TTN: variants seen among roughly 807,000 people sequenced by gnomAD.
TTN encodes the protein titin.
In TTN, 1,525 loss-of-function variants were observed where a neutral mutation model predicts 3,223.0. The ratio of observed to expected loss-of-function variants is 0.47; its 90% CI spans 0.45 to 0.49. The LOEUF (loss-of-function observed/expected upper bound fraction) is 0.49. Among genes scored for constraint, TTN ranks in the 20% least tolerant of loss-of-function variants. The pLI, the probability that TTN is intolerant of heterozygous loss-of-function variation, is 0.00. For missense variants in TTN, 40,786 were observed against 43,424.0 expected, an observed-to-expected ratio of 0.94 and a Z score of 5.40; for synonymous variants, 14,094 against 15,161.0, an observed-to-expected ratio of 0.93 and a Z score of 5.17.
At position 178,732,674 on chromosome 2, in the gene TTN, G is replaced by A. The variant is rs748705824; in HGVS notation, c.16387C>T (p.Pro5463Ser). 2 of 1,606,666 alleles carry A rather than the reference G, an allele frequency of 1.2e-6. No homozygotes were observed. The highest frequency in any genetic ancestry group is 1.1e-5 in the South Asian group (1 of 89,892). Residue 5463 changes from proline (P) to serine (S), a missense_variant, in exon 56 of 363, where the codon CCT becomes TCT. Pro to Ser is a moderately conservative substitution (Grantham distance 74). Transcript: ENST00000589042. ...CTCTTCAGGCAGACTGCTGAGCCAG[G>A]CAGAACATCCTTTGAGCCGGGTTTA... ...VTKPGSKDVL[P>S]GSAVCLKSTF...
chr2:178,685,766 A>G (rs1208070740), intron 127 of TTN, among the ~76,000 whole-genome samples, 168 bp from the exon 128 acceptor site: 1 of 152,204 alleles, frequency 6.6e-6, no homozygotes, highest in Non-Finnish European at 1.5e-5. Flanking sequence ...ATCAAAGCAC[A>G]TGCGTTAATG....
chr2:178,608,368 C>A lies in TTN; in HGVS notation c.52515G>T (p.Trp17505Cys), dbSNP rs1160660090. The part of the protein sequence containing the change: ...KDNGSPILGY[W>C]LEKREVNSTH... Reference sequence around the variant, plus strand: ...TACTGTTAACTTCACGTTTTTCAAGCCAGTAACCCAAAATGGGGCTTCCAT... The same window carrying A: ...TACTGTTAACTTCACGTTTTTCAAGACAGTAACCCAAAATGGGGCTTCCAT... Residue 17505 changes from tryptophan (W) to cysteine (C), a missense_variant, in exon 275 of 363, where the codon TGG becomes TGT. Transcript: ENST00000589042. 6.2e-7 allele frequency: 1 copy of A among 1,611,902 alleles called. No individual in the cohort carries two copies. The highest frequency in any genetic ancestry group is 2.2e-5 in the East Asian group (1 of 44,514).
Position 178,555,136 on chromosome 2 carries a change from A to G in TTN, c.88323T>C (p.Asp29441=), listed in dbSNP as rs1219894672. The G allele has an allele frequency of 1.2e-6, 2 of 1,609,718 alleles. No homozygotes were observed. Among genetic ancestry groups the G allele is most frequent in the Admixed American group, 1.7e-5 (1 of 59,100 alleles). ...CAACTTCTGTATATTCTAGAGGCAA[A>G]TCAATTACAGGACCACCTGCAAGAA... ...CIDSYGGPVI[D]LPLEYTEVVK... Residue 29441 remains aspartate (D), a synonymous_variant, in exon 331 of 363, where the codon GAT becomes GAC. Transcript: ENST00000589042.
Position 178,686,784 on chromosome 2 carries a change from C to A in TTN, c.32312-1186G>T, listed in dbSNP as rs529263845. Among the ~76,000 whole-genome samples the A allele has an allele frequency of 2.6e-5, 4 of 152,366 alleles. No individual in the cohort carries two copies. The South Asian group carries it at 8.3e-4, about 32-fold the overall frequency. ...CTCCTTACGCTGAAAGTAAACCTAA[C>A]AAGCCACCCATCTTTGGGGCATAAT... On this transcript the variant is annotated intron_variant, in intron 127 of 362. Transcript: ENST00000589042.
At chr2:178,674,487 C>T in intron 150 of TTN, 78 bp from the exon 151 acceptor site, 2 of 885,122 alleles carry the variant, frequency 2.3e-6, no homozygotes, top group Non-Finnish European at 3.3e-6. Flanking sequence ...TATCTGAAAA[C>T]TGCTCAGCCT....
chr2:178,774,865 T>G, intron 29 of TTN, 56 bp downstream of exon 29: 1 of 1,604,796 alleles, frequency 6.2e-7, no homozygotes, highest in Non-Finnish European at 8.5e-7. Context: ...TTTTACCACA[T>G]GCTAAGGGTG....
In TTN at chr2:178,717,103, C is replaced by T; in HGVS notation, c.25631G>A (p.Gly8544Asp). 4 of 1,610,294 alleles carry T rather than the reference C, an allele frequency of 2.5e-6. No individual in the cohort carries two copies. Among genetic ancestry groups the T allele is most frequent in the Non-Finnish European group, 3.4e-6 (4 of 1,177,218 alleles). Residue 8544 changes from glycine (G) to aspartate (D), a missense_variant, in exon 88 of 363, where the codon GGT becomes GAT. Coordinates refer to ENST00000589042, the MANE Select transcript of TTN (RefSeq NM_001267550.2). ...AGKDSCSAQL[G>D]VQEPPRFIKK... Reference sequence around the variant, plus strand: ...TTCACTCTAACAAGTACCTTGTACACCCAGCTGAGCAGAACAAGAGTCTTT... The same window carrying T: ...TTCACTCTAACAAGTACCTTGTACATCCAGCTGAGCAGAACAAGAGTCTTT...
Position 178,673,683 on chromosome 2 carries a change from G to T in TTN, c.34736C>A (p.Pro11579His), listed in dbSNP as rs746552848. 1 of 1,590,630 alleles carries T rather than the reference G, an allele frequency of 6.3e-7. No individual in the cohort carries two copies. Among genetic ancestry groups the T allele is most frequent in the Admixed American group, 1.8e-5 (1 of 56,462 alleles). ...TTTAGGAACAGGAGTAGGTGCTTCA[G>T]GTACTGCTTTCTTAATCACTTCAGG... Reference protein sequence around the residue: ...RVPEVIKKAVPEAPTPVPKKV... With the variant: ...RVPEVIKKAVHEAPTPVPKKV... Residue 11579 changes from proline to histidine, a missense_variant, in exon 152 of 363, where the codon CCT (proline) becomes CAT (histidine). Pro to His is a moderately conservative substitution (Grantham distance 77). Transcript: ENST00000589042.
intron 24 of TTN, 51 bp from the exon 25 acceptor site, chr2:178,778,026 C>A (rs2092411076): frequency 6.3e-7 from 1 of 1,588,044 alleles, no homozygotes. Flanking sequence ...GAAAACTCAG[C>A]AAAACAAACT....
chr2:178,736,434 G>C (rs181831606), intron 49 of TTN, among the ~76,000 whole-genome samples: 2 of 152,288 alleles, frequency 1.3e-5, no homozygotes, highest in African/African-American at 4.8e-5. Context: ...GGAAGATAAA[G>C]AAAATGTATT....
At chr2:178,594,989 A>G (rs1022291089) in intron 295 of TTN, among the ~76,000 whole-genome samples, 2 of 152,062 alleles carry the variant, frequency 1.3e-5, no homozygotes, top group Admixed American at 6.6e-5. Context: ...AGATGGAAGA[A>G]ATTTGATAAA....
chr2:178,781,905 A>AGTGTGTGT (rs139001573), intron 20 of TTN, among the ~76,000 whole-genome samples: 17 of 149,758 alleles, frequency 1.1e-4, no homozygotes, highest in South Asian at 2.1e-4. Context: ...CTTTTCTGGA[A>AGTGTGTGT]GTGTGTGTGT....
intron 127 of TTN, among the ~76,000 whole-genome samples, chr2:178,687,741 C>T (rs780426054): frequency 6.6e-6 from 1 of 152,034 alleles, no homozygotes; most frequent in Non-Finnish European, 1.5e-5. Context: ...TGAGAAACAC[C>T]AATTAGGCAT....
chr2:178,745,463 C>T (rs549542023), intron 47 of TTN: 1 of 1,509,348 alleles, frequency 6.6e-7, no homozygotes, highest in Non-Finnish European at 8.8e-7. Flanking sequence ...TTAGGGGTCT[C>T]CAAGGTAATG....
intron 3 of TTN, 86 bp downstream of exon 3, chr2:178,802,052 C>T: frequency 6.6e-7 from 1 of 1,521,734 alleles, no homozygotes; most frequent in Non-Finnish European, 9.1e-7. Context: ...TCTACCTCTG[C>T]CCATAGCTTT....
chr2:178,749,702 G>A (rs2084856081), intron 47 of TTN: 1 of 1,612,962 alleles, frequency 6.2e-7, no homozygotes, highest in Non-Finnish European at 8.5e-7. Context: ...ATTGTTTTCA[G>A]CAACACATTT....
At chr2:178,784,977 TAAC>T (rs1561385700) in intron 15 of TTN, among the ~76,000 whole-genome samples, 1 of 152,232 alleles carries the variant, frequency 6.6e-6, no homozygotes, top group African/African-American at 2.4e-5. Flanking sequence ...ATGTGTATAA[TAAC>T]AATAGTGACT....
Position 178,710,631 on chromosome 2 carries a change from A to G in TTN, c.28462+4T>C. On this transcript the variant is annotated splice_donor_region_variant and intron_variant, in intron 98 of 362. Transcript: ENST00000589042. ...TGTTGGACCACTTGCAAAATAAACG[A>G]TACCTTTTATATTCAGCTGAGCTGT... 1.3e-6 allele frequency: 2 copies of G among 1,596,628 alleles called. No individual in the cohort carries two copies. The highest frequency in any genetic ancestry group is 1.7e-6 in the Non-Finnish European group (2 of 1,168,016).
Position 178,549,149 on chromosome 2 carries a change from G to A in TTN, c.92477C>T (p.Thr30826Ile). 2 of 1,613,814 alleles carry A rather than the reference G, an allele frequency of 1.2e-6. No individual in the cohort carries two copies. Among genetic ancestry groups the A allele is most frequent in the Non-Finnish European group, 1.7e-6 (2 of 1,179,826 alleles). The change falls in exon 339 of 363, where the codon ACA (threonine) becomes ATA (isoleucine). Residue 30826 changes from threonine (T) to isoleucine (I), a missense_variant. Transcript: ENST00000589042. Reference sequence around the variant, plus strand: ...TGATGTGTCTGTTACTTTGACCACTGTGGGAGGACCTGGTGGGTTGACGGG... The same window carrying A: ...TGATGTGTCTGTTACTTTGACCACTATGGGAGGACCTGGTGGGTTGACGGG... ...REPVNPPGPP[T>I]VVKVTDTSKT...
Sources: gnomAD v4.1 joint callset for allele counts (sites outside exome capture counted in the v4.1 genomes callset) on GRCh38, gnomAD v4.1.1 for gene constraint, MANE v1.5 for transcripts, NCBI Gene and HGNC (gene_info 2026-07-23, HGNC 2026-07-21) for gene names.